GRM1: variants seen among roughly 807,000 people sequenced by gnomAD.
The protein encoded by GRM1 is metabotropic glutamate receptor 1.
Under a neutral mutation model 90.9 loss-of-function variants are expected in GRM1, and 33 were observed. That is an observed-to-expected ratio of 0.36 (90% CI 0.28 to 0.49). GRM1 has a LOEUF of 0.49. GRM1 is among the 20% of genes least tolerant of loss of function. GRM1 has a pLI of 0.99. For missense variants in GRM1, 1,190 were observed against 1,534.3 expected, an observed-to-expected ratio of 0.78 and a Z score of 3.75; for synonymous variants, 700 against 613.2, an observed-to-expected ratio of 1.14 and a Z score of -2.09.
At chr6:146,035,960 C>A (rs1790876326) in intron 1 of GRM1, among the ~76,000 whole-genome samples, 1 of 151,978 alleles carries the variant, frequency 6.6e-6, no homozygotes, top group African/African-American at 2.4e-5. Flanking sequence ...CACAATCACC[C>A]TGTGACTACG....
chr6:146,371,212 T>C (rs1246757015), intron 5 of GRM1, among the ~76,000 whole-genome samples: 4 of 152,140 alleles, frequency 2.6e-5, no homozygotes, highest in Non-Finnish European at 4.4e-5. Context: ...TTAGATTCTA[T>C]TGTTGCCCAA....
intron 2 of GRM1, among the ~76,000 whole-genome samples, chr6:146,298,627 G>A (rs2114908606): frequency 6.6e-6 from 1 of 152,250 alleles, no homozygotes; most frequent in Middle Eastern, 3.4e-3. Flanking sequence ...TTTCTGGAGG[G>A]GACTTTGCAT....
intron 3 of GRM1, among the ~76,000 whole-genome samples, chr6:146,309,767 A>T (rs1307816162): frequency 6.6e-6 from 1 of 151,846 alleles, no homozygotes; most frequent in Non-Finnish European, 1.5e-5. Flanking sequence ...CTGTTTTGGG[A>T]TTGTTCCTTT....
chr6:146,037,574 T>C (rs1220530204), intron 1 of GRM1, among the ~76,000 whole-genome samples: 1 of 152,004 alleles, frequency 6.6e-6, no homozygotes, highest in Admixed American at 6.6e-5. Flanking sequence ...ACTTTGCTGC[T>C]GTCATTTAGC....
intron 1 of GRM1, among the ~76,000 whole-genome samples, chr6:146,065,558 A>T (rs1582951441): frequency 6.6e-6 from 1 of 152,202 alleles, no homozygotes; most frequent in Admixed American, 6.5e-5. Flanking sequence ...TGCCACCATG[A>T]TTACTACCCA....
At chr6:146,206,771 C>G (rs543351080) in intron 2 of GRM1, among the ~76,000 whole-genome samples, 4 of 151,874 alleles carry the variant, frequency 2.6e-5, no homozygotes, top group Admixed American at 2.0e-4. Context: ...TTTTGGGTAC[C>G]CAGTTATCTT....
At chr6:146,204,505 A>C (rs1055877556) in intron 2 of GRM1, among the ~76,000 whole-genome samples, 1 of 152,186 alleles carries the variant, frequency 6.6e-6, no homozygotes, top group East Asian at 1.9e-4. Context: ...GTAACTTCAT[A>C]GGGTCCAATG....
intron 2 of GRM1, among the ~76,000 whole-genome samples, chr6:146,258,662 G>A (rs113154368): frequency 0.013 from 1,914 of 152,168 alleles, 25 homozygotes; most frequent in African/African-American, 0.044. Flanking sequence ...TGAGATTATA[G>A]ATGTGAGTCA....
intron 1 of GRM1, among the ~76,000 whole-genome samples, chr6:146,128,766 T>C (rs1250607782): frequency 6.6e-6 from 1 of 152,198 alleles, no homozygotes; most frequent in Non-Finnish European, 1.5e-5. Flanking sequence ...TTTTTGGTGT[T>C]TCCAGAGGTA....
chr6:146,367,992 C>A (rs941320814), intron 5 of GRM1, among the ~76,000 whole-genome samples: 1 of 151,988 alleles, frequency 6.6e-6, no homozygotes, highest in Non-Finnish European at 1.5e-5. Flanking sequence ...TTCTTCCAAG[C>A]GTGAACATGG....
chr6:146,145,898 G>C (rs1477722477), intron 1 of GRM1, among the ~76,000 whole-genome samples: 1 of 152,030 alleles, frequency 6.6e-6, no homozygotes. Flanking sequence ...GGGCAGGGCT[G>C]TCCTAGGTCT....
chr6:146,147,608 C>A (rs1423911257), intron 1 of GRM1, among the ~76,000 whole-genome samples: 2 of 152,192 alleles, frequency 1.3e-5, no homozygotes, highest in East Asian at 1.9e-4. Flanking sequence ...AGGTTTTATT[C>A]AGCATTATTT....
chr6:146,391,902 C>A (rs963320787), intron 6 of GRM1, among the ~76,000 whole-genome samples: 1 of 152,050 alleles, frequency 6.6e-6, no homozygotes, highest in Non-Finnish European at 1.5e-5. Context: ...GGTGTCATGA[C>A]AAACTGCTAC....
intron 2 of GRM1, among the ~76,000 whole-genome samples, chr6:146,197,144 G>T (rs1779149717): frequency 6.6e-6 from 1 of 152,214 alleles, no homozygotes; most frequent in South Asian, 2.1e-4. Flanking sequence ...ACGAGAACAG[G>T]TGGGAAATAG....
chr6:146,087,905 G>C (rs1229098440), intron 1 of GRM1, among the ~76,000 whole-genome samples: 1 of 152,106 alleles, frequency 6.6e-6, no homozygotes, highest in Non-Finnish European at 1.5e-5. Context: ...ATGGACATTT[G>C]TGTGCATGTT....
rs1159562679 is a variant in GRM1, at chr6:146,043,171, T to C, written c.700+12954T>C. Among the ~76,000 whole-genome samples the C allele has an allele frequency of 2.6e-5, 4 of 152,030 alleles. No individual in the cohort carries two copies. The East Asian group carries it at 7.8e-4, about 30-fold the overall frequency. ...ATAACCGTGCATGGTGGCGTGCACC[T>C]GTAGGAGGCACCTGTAGGTGGAGGC... On this transcript the variant is annotated intron_variant, in intron 1 of 7. Transcript: ENST00000282753.
chr6:146,196,272 C>T (rs544129711), intron 2 of GRM1, among the ~76,000 whole-genome samples: 41 of 149,682 alleles, frequency 2.7e-4, no homozygotes, highest in Middle Eastern at 3.5e-3. Flanking sequence ...AGACTATTTC[C>T]ATTTATCTAG....
intron 2 of GRM1, among the ~76,000 whole-genome samples, chr6:146,282,982 C>A (rs1039363756): frequency 6.6e-6 from 1 of 152,158 alleles, no homozygotes; most frequent in Non-Finnish European, 1.5e-5. Flanking sequence ...TAATAGCAAA[C>A]CCCCTGCAAG....
intron 2 of GRM1, among the ~76,000 whole-genome samples, chr6:146,279,227 A>G (rs1157874723): frequency 2.6e-5 from 4 of 152,092 alleles, no homozygotes; most frequent in African/African-American, 7.2e-5. Flanking sequence ...TTGATCATTT[A>G]TATCTGCTCT....
Sources: allele counts gnomAD v4.1 joint callset (sites outside exome capture counted in the v4.1 genomes callset), GRCh38; gene constraint gnomAD v4.1.1; transcripts MANE v1.5; gene names NCBI Gene and HGNC (gene_info 2026-07-23, HGNC 2026-07-21).